NCAM2: variants seen among roughly 807,000 people sequenced by gnomAD.
NCAM2 encodes the protein neural cell adhesion molecule 2.
In NCAM2, 30 loss-of-function variants were observed where a neutral mutation model predicts 98.1. The ratio of observed to expected loss-of-function variants is 0.31; its 90% CI spans 0.23 to 0.41. NCAM2 has a LOEUF of 0.41. Among genes scored for constraint, NCAM2 ranks in the 10% least tolerant of loss-of-function variants. The probability of loss-of-function intolerance (pLI) is 1.00; values close to 1 mark genes in which losing one functional copy is unlikely to be tolerated. For synonymous variants in NCAM2, 368 were observed against 342.4 expected (o/e 1.07, Z -0.83); for missense variants, 867 against 1,005.8 (o/e 0.86, Z 1.87).
intron 1 of NCAM2, among the ~76,000 whole-genome samples, chr21:21,257,142 A>G (rs1173048981): frequency 6.6e-6 from 1 of 152,224 alleles, no homozygotes; most frequent in Admixed American, 6.5e-5. Flanking sequence ...TTGATAAACA[A>G]GTCATAAAGA....
rs551596822 is a variant in NCAM2 at position 21,261,945 on chromosome 21, A to C, written c.56-18633A>C. ...AGTTAATTATTTGAAAGGTTAAACAAAGGTGATAGATGGCTAGCTAGATTA... is the reference window on the plus strand; with the variant it reads ...AGTTAATTATTTGAAAGGTTAAACACAGGTGATAGATGGCTAGCTAGATTA... On this transcript the variant is annotated intron_variant, in intron 1 of 17. Coordinates refer to ENST00000400546, the MANE Select transcript of NCAM2 (RefSeq NM_004540.5). 9.9e-5 allele frequency among the ~76,000 whole-genome samples: 15 copies of C among 152,272 alleles called. No individual in the cohort carries two copies. The East Asian group carries it at 2.9e-3, about 29-fold the overall frequency.
chr21:21,453,406 G>T (rs1981634366), intron 12 of NCAM2, among the ~76,000 whole-genome samples: 1 of 151,808 alleles, frequency 6.6e-6, no homozygotes, highest in African/African-American at 2.4e-5. Flanking sequence ...TCAGAGAGAG[G>T]AATTAAATGA....
chr21:21,312,897 A>G (rs2074101109), intron 5 of NCAM2, among the ~76,000 whole-genome samples: 1 of 151,810 alleles, frequency 6.6e-6, no homozygotes, highest in East Asian at 1.9e-4. Context: ...TGTATTTTTT[A>G]TATTTCTTTA....
chr21:21,080,400 T>C (rs1240627516), intron 1 of NCAM2, among the ~76,000 whole-genome samples: 1 of 151,978 alleles, frequency 6.6e-6, no homozygotes, highest in East Asian at 1.9e-4. Flanking sequence ...GCAGGTCACC[T>C]GAGGTAGGGA....
intron 1 of NCAM2, chr21:21,147,159 C>G (rs562485878): frequency 1.5e-5 from 14 of 960,720 alleles, no homozygotes; most frequent in Non-Finnish European, 1.7e-5. Context: ...CGCGCCCTGT[C>G]CCACACCGGA....
intron 1 of NCAM2, among the ~76,000 whole-genome samples, chr21:21,099,576 G>A (rs1601364403): frequency 1.3e-5 from 2 of 151,840 alleles, no homozygotes; most frequent in South Asian, 4.2e-4. Context: ...ACAGCATGAG[G>A]GTAACAGACC....
intron 9 of NCAM2, among the ~76,000 whole-genome samples, chr21:21,397,197 G>A (rs1370120956): frequency 6.6e-6 from 1 of 152,084 alleles, no homozygotes; most frequent in East Asian, 1.9e-4. Flanking sequence ...GTTGGCCATG[G>A]GTAGGCCTGG....
chr21:21,070,118 A>G, intron 1 of NCAM2, among the ~76,000 whole-genome samples: 1 of 152,120 alleles, frequency 6.6e-6, no homozygotes, highest in Admixed American at 6.5e-5. Context: ...ATTTGGTGAT[A>G]ATAGATTTCA....
chr21:21,082,449 A>G (rs1230879022), intron 1 of NCAM2, among the ~76,000 whole-genome samples: 2 of 152,128 alleles, frequency 1.3e-5, no homozygotes, highest in Non-Finnish European at 2.9e-5. Flanking sequence ...TTCGTAGACT[A>G]AATTCTCTAC....
chr21:21,213,963 AC>A (rs530979512), intron 1 of NCAM2, among the ~76,000 whole-genome samples: 3 of 152,164 alleles, frequency 2.0e-5, no homozygotes, highest in Non-Finnish European at 2.9e-5. Context: ...GACGGTTGAC[AC>A]TAAGTACACA....
chr21:21,350,482 AT>A (rs1293188522), intron 8 of NCAM2, among the ~76,000 whole-genome samples: 3 of 152,186 alleles, frequency 2.0e-5, no homozygotes, highest in South Asian at 2.1e-4. Flanking sequence ...GAAAAAAATT[AT>A]GCCTTTTATA....
chr21:21,137,977 G>T lies in NCAM2; in HGVS notation c.55+139359G>T, dbSNP rs373675456. ...GGACTTGGGGAGAACCTTTGTAACG[G>T]TGTTTCATTAGACTCAGTTCACCCC... On this transcript the variant is annotated intron_variant, in intron 1 of 17. Transcript: ENST00000400546. Among the ~76,000 whole-genome samples, 343 of 152,144 alleles carry T rather than the reference G, an allele frequency of 2.3e-3. 2 individuals are homozygous for T. The highest frequency in any genetic ancestry group is 0.014 in the Middle Eastern group (4 of 294).
chr21:21,393,673 C>T (rs2076431152), intron 9 of NCAM2, among the ~76,000 whole-genome samples: 1 of 152,050 alleles, frequency 6.6e-6, no homozygotes, highest in South Asian at 2.1e-4. Flanking sequence ...ACTGATATAT[C>T]TATATCACCA....
chr21:21,463,106 A>G (rs1308888430), intron 12 of NCAM2, among the ~76,000 whole-genome samples: 1 of 152,152 alleles, frequency 6.6e-6, no homozygotes, highest in Non-Finnish European at 1.5e-5. Flanking sequence ...TCTATTATTG[A>G]GTACACAGCC....
intron 1 of NCAM2, among the ~76,000 whole-genome samples, chr21:21,202,572 A>C (rs2069276241): frequency 6.6e-6 from 1 of 151,712 alleles, no homozygotes; most frequent in Non-Finnish European, 1.5e-5. Context: ...ATGTGCCACC[A>C]TGCCTGGCTA....
intron 5 of NCAM2, among the ~76,000 whole-genome samples, chr21:21,305,792 G>A (rs919034246): frequency 1.3e-5 from 2 of 151,970 alleles, no homozygotes; most frequent in African/African-American, 2.4e-5. Flanking sequence ...CTTATTTGGA[G>A]GTATATTGAT....
At chr21:21,498,085 A>G (rs952668017) in intron 15 of NCAM2, among the ~76,000 whole-genome samples, 5 of 152,080 alleles carry the variant, frequency 3.3e-5, no homozygotes, top group African/African-American at 1.2e-4. Flanking sequence ...TTTATAATTT[A>G]TTTATAGATC....
chr21:21,005,736 CTTTA>C (rs2064098956), intron 1 of NCAM2, among the ~76,000 whole-genome samples: 1 of 151,444 alleles, frequency 6.6e-6, no homozygotes, highest in Non-Finnish European at 1.5e-5. Flanking sequence ...AGCTTCTCTG[CTTTA>C]TTTATAGTTT....
At chr21:21,064,723 A>C (rs2065396823) in intron 1 of NCAM2, among the ~76,000 whole-genome samples, 1 of 152,226 alleles carries the variant, frequency 6.6e-6, no homozygotes, top group Non-Finnish European at 1.5e-5. Context: ...GAGAAACATT[A>C]ATCTCAAGGC....
Sources: allele counts gnomAD v4.1 joint callset (sites outside exome capture counted in the v4.1 genomes callset), GRCh38; gene constraint gnomAD v4.1.1; transcripts MANE v1.5; gene names NCBI Gene and HGNC (gene_info 2026-07-23, HGNC 2026-07-21).